CCDC80: variants seen among roughly 807,000 people sequenced by gnomAD.
The protein encoded by CCDC80 is coiled-coil domain containing 80.
In CCDC80, 49 loss-of-function variants were observed where a neutral mutation model predicts 78.7. The observed-to-expected ratio is 0.62, with a 90% confidence interval of 0.50 to 0.79. The LOEUF (loss-of-function observed/expected upper bound fraction) is 0.79. Ranked by LOEUF, CCDC80 falls within the 30% of genes least tolerant of loss-of-function variation. The pLI, the probability that CCDC80 is intolerant of heterozygous loss-of-function variation, is 0.00. For missense variants in CCDC80, 1,205 were observed against 1,198.6 expected (o/e 1.01, Z -0.08); for synonymous variants, 488 against 447.0 (o/e 1.09, Z -1.16).
intron 5 of CCDC80, among the ~76,000 whole-genome samples, chr3:112,612,565 C>T (rs759494303): frequency 1.3e-5 from 2 of 152,140 alleles, no homozygotes; most frequent in Non-Finnish European, 2.9e-5. Context: ...CTGACCCAGA[C>T]CCTTATTTTA....
At chr3:112,616,251 C>T (rs1235845744) in intron 5 of CCDC80, among the ~76,000 whole-genome samples, 1 of 151,982 alleles carries the variant, frequency 6.6e-6, no homozygotes, top group African/African-American at 2.4e-5. Context: ...TTGTTGTTTC[C>T]TGCAGAGTTG....
In CCDC80 at chr3:112,598,284, T is replaced by C. The variant is rs1935317073; in HGVS notation, c.*7133A>G. ...GGGACTGGCTGTCTTCCAGAAATGG[T>C]TTCCCAAGGTGTTCCCTACCTCTCT... On this transcript the variant is annotated 3_prime_UTR_variant, in exon 8 of 8. Coordinates refer to ENST00000206423, the MANE Select transcript of CCDC80 (RefSeq NM_199511.3). 1 of 152,202 alleles carries C rather than the reference T, an allele frequency of 6.6e-6. No individual in the cohort carries two copies. Among genetic ancestry groups the C allele is most frequent in the Non-Finnish European group, 1.5e-5 (1 of 68,044 alleles). 9.4% of individuals were successfully genotyped at this position (152,202 alleles called of 1,614,324 possible). A position where few individuals can be genotyped will look rare whatever the true frequency, so the allele number is the denominator to read the frequency against.
intron 2 of CCDC80, among the ~76,000 whole-genome samples, chr3:112,635,407 T>G (rs1043930680): frequency 3.3e-5 from 5 of 152,228 alleles, no homozygotes; most frequent in Admixed American, 2.6e-4. Context: ...GCACTAAGCC[T>G]TAATGAATAG....
intron 3 of CCDC80, among the ~76,000 whole-genome samples, chr3:112,629,529 A>G (rs530937781): frequency 1.3e-5 from 2 of 152,188 alleles, no homozygotes; most frequent in African/African-American, 4.8e-5. Flanking sequence ...TGAGTCTCAC[A>G]TGCACCATTC....
At chr3:112,623,438 ACT>A (rs1935906861) in intron 3 of CCDC80, among the ~76,000 whole-genome samples, 1 of 152,146 alleles carries the variant, frequency 6.6e-6, no homozygotes, top group African/African-American at 2.4e-5. Flanking sequence ...TAATGCCTGG[ACT>A]ACTTTAGCCT....
intron 3 of CCDC80, among the ~76,000 whole-genome samples, 186 bp from the exon 4 acceptor site, chr3:112,619,290 A>C (rs1935815809): frequency 6.6e-6 from 1 of 152,224 alleles, no homozygotes; most frequent in African/African-American, 2.4e-5. Context: ...ACATGAATAA[A>C]GTTTTGAAAG....
At chr3:112,633,316 C>A (rs1339591763) in intron 2 of CCDC80, among the ~76,000 whole-genome samples, 1 of 152,140 alleles carries the variant, frequency 6.6e-6, no homozygotes, top group South Asian at 2.1e-4. Context: ...AACCTGCCCC[C>A]GCCCTTCTCT....
intron 2 of CCDC80, among the ~76,000 whole-genome samples, chr3:112,632,664 A>T (rs985961475): frequency 2.6e-5 from 4 of 152,148 alleles, no homozygotes; most frequent in African/African-American, 9.7e-5. Context: ...GTTCTCCCAC[A>T]TAGCTCTATA....
intron 7 of CCDC80, among the ~76,000 whole-genome samples, chr3:112,606,899 G>A (rs1190554391): frequency 6.6e-6 from 1 of 152,048 alleles, no homozygotes; most frequent in African/African-American, 2.4e-5. Flanking sequence ...GACCTATACG[G>A]ACCCCCAAAA....
chr3:112,622,862 G>C (rs886749072), intron 3 of CCDC80, among the ~76,000 whole-genome samples: 3 of 138,454 alleles, frequency 2.2e-5, no homozygotes, highest in Non-Finnish European at 4.6e-5. Flanking sequence ...TTTTAGTAGA[G>C]ACGGGGTTTC....
chr3:112,621,637 T>C (rs368449321), intron 3 of CCDC80, among the ~76,000 whole-genome samples: 19 of 152,136 alleles, frequency 1.2e-4, no homozygotes, highest in African/African-American at 4.3e-4. Flanking sequence ...ATTATTAAGG[T>C]TGAAACTAAG....
intron 7 of CCDC80, among the ~76,000 whole-genome samples, 175 bp from the exon 8 acceptor site, chr3:112,605,938 C>T (rs1935478378): frequency 1.3e-5 from 2 of 152,158 alleles, no homozygotes; most frequent in Non-Finnish European, 2.9e-5. Context: ...AATTAAATGT[C>T]CCTGCTTTCT....
intron 4 of CCDC80, 32 bp from the exon 5 acceptor site, chr3:112,616,890 T>C: frequency 6.2e-7 from 1 of 1,601,214 alleles, no homozygotes; most frequent in Non-Finnish European, 8.5e-7. Context: ...GCATTTAATG[T>C]ACAAGTGCAT....
At chr3:112,631,321 T>C (rs930092905) in intron 2 of CCDC80, among the ~76,000 whole-genome samples, 2 of 152,128 alleles carry the variant, frequency 1.3e-5, no homozygotes, top group African/African-American at 4.8e-5. Context: ...GCTGCTTACC[T>C]TGGAGGTGGG....
rs1936325060 is a variant in CCDC80, at chr3:112,640,832, T to C, written c.-517A>G. The C allele has an allele frequency of 6.6e-6, 1 of 152,226 alleles. No individual in the cohort carries two copies. Among genetic ancestry groups the C allele is most frequent in the Non-Finnish European group, 1.5e-5 (1 of 68,062 alleles). The allele number at this position is 152,226 out of a possible 1,614,324, so 9.4% of individuals were successfully genotyped here. A position where few individuals can be genotyped will look rare whatever the true frequency, so the allele number is the denominator to read the frequency against. The stretch of plus-strand genomic sequence containing the variant: ...TAAAAGCACTGGGATTAATATGTTT[T>C]CCAGGCTGAGGGAAAACACAGGAAT... On this transcript the variant is annotated 5_prime_UTR_variant, in exon 1 of 8. Transcript: ENST00000206423.
At chr3:112,623,398 C>T (rs1008252442) in intron 3 of CCDC80, among the ~76,000 whole-genome samples, 2 of 152,214 alleles carry the variant, frequency 1.3e-5, no homozygotes, top group African/African-American at 4.8e-5. Flanking sequence ...CTCCTCCAAC[C>T]CTCTCTTGCC....
At chr3:112,609,307 T>C (rs1236825694) in intron 6 of CCDC80, among the ~76,000 whole-genome samples, 1 of 152,180 alleles carries the variant, frequency 6.6e-6, no homozygotes, top group Non-Finnish European at 1.5e-5. Flanking sequence ...ATAAAAATGT[T>C]TGGTAAATAA....
intron 2 of CCDC80, among the ~76,000 whole-genome samples, chr3:112,635,786 C>T (rs1196588825): frequency 6.6e-6 from 1 of 152,204 alleles, no homozygotes; most frequent in Admixed American, 6.5e-5. Context: ...TTCTGTTTTG[C>T]CTCACATGAC....
At position 112,639,460 on chromosome 3, in the gene CCDC80, T is replaced by C. The variant is rs755983927; in HGVS notation, c.446A>G (p.Asn149Ser). The C allele has an allele frequency of 6.2e-7, 1 of 1,614,196 alleles. No individual in the cohort carries two copies. Among genetic ancestry groups the C allele is most frequent in the Non-Finnish European group, 8.5e-7 (1 of 1,180,040 alleles). ...AGGGGCTGAGATGACCCATACTCTG[T>C]TCTTCCCTGCAAAGCTGGCAAGGAT... ...PNILASFAGKNRVWVISAPHA... is the reference protein window; with the variant it reads ...PNILASFAGKSRVWVISAPHA... Residue 149 changes from asparagine (N) to serine (S), a missense_variant, in exon 2 of 8, where the codon AAC (asparagine) becomes AGC (serine). Physicochemically the swap from Asn to Ser is conservative, Grantham distance 46. Coordinates refer to ENST00000206423, the MANE Select transcript of CCDC80 (RefSeq NM_199511.3).
Sources: allele counts gnomAD v4.1 joint callset (sites outside exome capture counted in the v4.1 genomes callset), GRCh38; gene constraint gnomAD v4.1.1; transcripts MANE v1.5; gene names NCBI Gene and HGNC (gene_info 2026-07-23, HGNC 2026-07-21).